ZNF487: variants seen among roughly 807,000 people sequenced by gnomAD.
ZNF487 encodes the protein zinc finger protein 487.
A neutral mutation model predicts 3.0 loss-of-function variants in ZNF487; 4 were observed. The ratio of observed to expected loss-of-function variants is 1.35; its 90% confidence interval spans 0.66 to 3.08. The LOEUF (loss-of-function observed/expected upper bound fraction) is 3.08. Ranked by LOEUF, ZNF487 falls within the 30% of genes most tolerant of loss-of-function variation. The probability of loss-of-function intolerance (pLI) is 0.01; values close to 1 mark genes in which losing one functional copy is unlikely to be tolerated. For missense variants in ZNF487, 146 were observed against 98.7 expected (o/e 1.48, Z -2.03); for synonymous variants, 55 against 34.6 (o/e 1.59, Z -2.06).
intron 3 of ZNF487, among the ~76,000 whole-genome samples, chr10:43,480,770 A>G (rs531680627): frequency 3.5e-4 from 53 of 151,946 alleles, no homozygotes; most frequent in Non-Finnish European, 4.4e-4. Flanking sequence ...TTGAGAGTTC[A>G]GAGCTTTTAT....
intron 1 of ZNF487, among the ~76,000 whole-genome samples, chr10:43,451,314 C>G (rs1016291398): frequency 3.3e-5 from 5 of 151,504 alleles, no homozygotes; most frequent in Non-Finnish European, 5.9e-5. Context: ...GGTGCGATCT[C>G]AGCTCACTGC....
intron 1 of ZNF487, chr10:43,458,024 TAA>T (rs1349992522): frequency 6.8e-6 from 1 of 146,032 alleles, no homozygotes; most frequent in African/African-American, 2.6e-5. Flanking sequence ...TCCGTCTCAA[TAA>T]AAAAACAACA....
the ZNF487 span, among the ~76,000 whole-genome samples, chr10:43,502,387 T>TG: frequency 9.4e-5 from 14 of 148,574 alleles, no homozygotes; most frequent in Admixed American, 3.4e-4. Flanking sequence ...TGTCGTGGGG[T>TG]GGGGGGGGAT....
chr10:43,479,504 G>A (rs1186457745), intron 3 of ZNF487, among the ~76,000 whole-genome samples: 1 of 152,016 alleles, frequency 6.6e-6, no homozygotes, highest in Non-Finnish European at 1.5e-5. Context: ...AAGGATAATA[G>A]AATAGTAAAG....
At chr10:43,515,867 A>G in the ZNF487 span, among the ~76,000 whole-genome samples, 5 of 152,020 alleles carry the variant, frequency 3.3e-5, no homozygotes, top group South Asian at 2.1e-4. Flanking sequence ...CTCTGCCTCC[A>G]GGGTTCAAGT....
intron 1 of ZNF487, among the ~76,000 whole-genome samples, chr10:43,473,843 T>C (rs1366873347): frequency 6.6e-6 from 1 of 151,844 alleles, no homozygotes; most frequent in Non-Finnish European, 1.5e-5. Context: ...CTGGGTAACA[T>C]AGTGAGACCC....
At position 43,438,315 on chromosome 10, in the gene ZNF487, G is replaced by A. The variant is rs1589015017; in HGVS notation, c.-94+1053G>A. ...ATTCTCCTGCCTCAGCCTCCCAAGTGACGAGGGTTACAGGCACGTGCCACC... is the reference window on the plus strand; with the variant it reads ...ATTCTCCTGCCTCAGCCTCCCAAGTAACGAGGGTTACAGGCACGTGCCACC... On this transcript the variant is annotated intron_variant, in intron 1 of 3. Transcript: ENST00000437590. Among the ~76,000 whole-genome samples the A allele has an allele frequency of 2.0e-5, 3 of 152,120 alleles. No individual in the cohort carries two copies. The East Asian group carries it at 5.8e-4, about 29-fold the overall frequency.
chr10:43,444,105 G>C (rs1589020300), intron 1 of ZNF487, among the ~76,000 whole-genome samples: 1 of 150,426 alleles, frequency 6.6e-6, no homozygotes, highest in East Asian at 2.0e-4. Flanking sequence ...CGCCTGCCTC[G>C]GCCTCCCAAA....
chr10:43,454,685 T>A (rs556851136), intron 1 of ZNF487: 1 of 152,306 alleles, frequency 6.6e-6, no homozygotes, highest in African/African-American at 2.4e-5. Flanking sequence ...CTTATGCTGT[T>A]AAATTGGTAG....
the ZNF487 span, among the ~76,000 whole-genome samples, chr10:43,494,173 G>T: frequency 5.1e-4 from 78 of 152,284 alleles, no homozygotes; most frequent in African/African-American, 1.7e-3. Flanking sequence ...CATACAGTCT[G>T]TGGTGACTAC....
intron 1 of ZNF487, among the ~76,000 whole-genome samples, chr10:43,460,789 T>C (rs1840404540): frequency 6.6e-6 from 1 of 151,140 alleles, no homozygotes; most frequent in Admixed American, 6.6e-5. Context: ...GCCTCCCGAG[T>C]TCAAGCGATT....
At chr10:43,441,034 ATTTTTTTTTT>A (rs763451709) in intron 1 of ZNF487, among the ~76,000 whole-genome samples, 524 of 44,572 alleles carry the variant, frequency 0.012, 6 homozygotes, top group South Asian at 0.043. Flanking sequence ...ACCTGGTTAA[ATTTTTTTTTT>A]TTTTTTTTTT....
the ZNF487 span, chr10:43,523,377 C>T: frequency 1.3e-5 from 2 of 152,158 alleles, no homozygotes; most frequent in Admixed American, 6.5e-5. Context: ...AATATAAATT[C>T]AAACCTTGTT....
chr10:43,465,056 C>G (rs1355508116), intron 1 of ZNF487, among the ~76,000 whole-genome samples: 11 of 146,972 alleles, frequency 7.5e-5, no homozygotes, highest in African/African-American at 2.5e-4. Flanking sequence ...GCTGACCCCC[C>G]CCACCTCCCT....
At chr10:43,442,745 G>A (rs989415521) in intron 1 of ZNF487, among the ~76,000 whole-genome samples, 1 of 152,030 alleles carries the variant, frequency 6.6e-6, no homozygotes, top group African/African-American at 2.4e-5. Flanking sequence ...GCCCAGCCCT[G>A]GAATTATTTT....
chr10:43,462,768 C>CTT (rs1324371203), intron 1 of ZNF487, among the ~76,000 whole-genome samples: 2 of 139,540 alleles, frequency 1.4e-5, no homozygotes, highest in African/African-American at 2.7e-5. Flanking sequence ...TTTTTTCTTT[C>CTT]TTTTTTTTTT....
chr10:43,507,203 G>C, the ZNF487 span, among the ~76,000 whole-genome samples: 2 of 152,180 alleles, frequency 1.3e-5, no homozygotes, highest in African/African-American at 4.8e-5. Flanking sequence ...AGCTTACCAC[G>C]AGTCAGGCCA....
chr10:43,499,969 C>T, the ZNF487 span, among the ~76,000 whole-genome samples: 11 of 152,136 alleles, frequency 7.2e-5, no homozygotes, highest in Middle Eastern at 3.4e-3. Flanking sequence ...CTGCAACCTC[C>T]GCCTCCCAGG....
intron 1 of ZNF487, among the ~76,000 whole-genome samples, chr10:43,464,474 C>T (rs889903231): frequency 6.6e-6 from 1 of 152,022 alleles, no homozygotes; most frequent in African/African-American, 2.4e-5. Flanking sequence ...AGCAGATAAA[C>T]AAGTGAACAA....
Sources: gnomAD v4.1 joint callset for allele counts (sites outside exome capture counted in the v4.1 genomes callset) on GRCh38, gnomAD v4.1.1 for gene constraint, MANE v1.5 for transcripts, NCBI Gene and HGNC (gene_info 2026-07-23, HGNC 2026-07-21) for gene names.